The following CACNA1E variants were observed in gnomAD, a reference collection of about 807,000 sequenced individuals.
CACNA1E encodes voltage-dependent R-type calcium channel subunit alpha-1E.
CACNA1E carries 40 observed loss-of-function variants against 259.2 expected under a neutral mutation model. That is an observed-to-expected ratio of 0.15 (90% CI 0.12 to 0.20). CACNA1E has a LOEUF of 0.20. Among genes scored for constraint, CACNA1E ranks in the 10% least tolerant of loss-of-function variants. The pLI, the probability that CACNA1E is intolerant of heterozygous loss-of-function variation, is 1.00. For synonymous variants in CACNA1E, 1,104 were observed against 1,138.5 expected (o/e 0.97, Z 0.61); for missense variants, 1,874 against 3,040.1 (o/e 0.62, Z 9.02).
intron 3 of CACNA1E, among the ~76,000 whole-genome samples, chr1:181,543,762 G>T (rs1034496831): frequency 1.3e-5 from 2 of 152,138 alleles, no homozygotes; most frequent in South Asian, 2.1e-4. Flanking sequence ...AGCCATTAGG[G>T]AAATGCAAAT....
chr1:181,569,623 C>T (rs898761753), intron 3 of CACNA1E, among the ~76,000 whole-genome samples: 5 of 152,348 alleles, frequency 3.3e-5, no homozygotes, highest in African/African-American at 1.2e-4. Flanking sequence ...ATTACTTACA[C>T]ATGTGGCTAC....
At position 181,783,780 on chromosome 1, in the gene CACNA1E, C is replaced by T. The variant is rs1210905298; in HGVS notation, c.5466C>T (p.Ala1822=). 4 of 1,506,622 alleles carry T rather than the reference C, an allele frequency of 2.7e-6. No individual in the cohort carries two copies. Among genetic ancestry groups the T allele is most frequent in the Non-Finnish European group, 3.5e-6 (4 of 1,129,252 alleles). 93.3% of individuals were successfully genotyped at this position (1,506,622 alleles called of 1,614,324 possible). ...GGACAGCTCTGGACATTAAAATTGC[C>T]AAAGGTAAGCTTAGCTTAGGAAGGG... ...LIRTALDIKI[A]KGGADRQQLD... is the part of the protein sequence containing the mutation. Residue 1822 remains alanine (A), a synonymous_variant, in exon 40 of 48, where the codon GCC becomes GCT. Transcript: ENST00000367573.
At chr1:181,343,869 C>T (rs1400045901) in intron 1 of CACNA1E, among the ~76,000 whole-genome samples, 1 of 152,056 alleles carries the variant, frequency 6.6e-6, no homozygotes, top group African/African-American at 2.4e-5. Context: ...ATTGTGGCCC[C>T]AAGCCTGTGC....
Position 181,353,761 on chromosome 1 carries a change from G to A in CACNA1E, c.-15+35638G>A, listed in dbSNP as rs535850977. Among the ~76,000 whole-genome samples the A allele has an allele frequency of 2.0e-5, 3 of 152,306 alleles. 1 individual carries two copies. In the South Asian group the frequency reaches 6.2e-4, roughly 32 times the overall value. On this transcript the variant is annotated intron_variant, in intron 1 of 11. Coordinates refer to the CACNA1E transcript ENST00000524607. ...CCACCCACCTAGATTCAAGGGATGA[G>A]TGGGAACATAGATAGATTCTACCTC...
At chr1:181,415,451 A>G (rs1392433225) in intron 2 of CACNA1E, among the ~76,000 whole-genome samples, 1 of 152,104 alleles carries the variant, frequency 6.6e-6, no homozygotes, top group African/African-American at 2.4e-5. Flanking sequence ...GTCAGCCTTT[A>G]GGGGTGTGGC....
upstream of CACNA1E, among the ~76,000 whole-genome samples, chr1:181,482,655 C>T (rs1435119932): frequency 1.3e-5 from 2 of 152,392 alleles, no homozygotes. Context: ...GCCTCGCCTC[C>T]CCATTCTCCT....
At chr1:181,518,825 A>G (rs565380325) in intron 3 of CACNA1E, among the ~76,000 whole-genome samples, 1 of 152,236 alleles carries the variant, frequency 6.6e-6, no homozygotes, top group Admixed American at 6.5e-5. Flanking sequence ...TGCCACCCCC[A>G]CCCATTGACA....
At chr1:181,349,052 G>T (rs1473614733) in intron 1 of CACNA1E, among the ~76,000 whole-genome samples, 1 of 149,556 alleles carries the variant, frequency 6.7e-6, no homozygotes, top group Non-Finnish European at 1.5e-5. Flanking sequence ...CAGTCAGGGG[G>T]CTCCTCAGAC....
chr1:181,747,950 T>G (rs1375921564), intron 25 of CACNA1E, among the ~76,000 whole-genome samples: 1 of 152,212 alleles, frequency 6.6e-6, no homozygotes, highest in Non-Finnish European at 1.5e-5. Context: ...TCCAGGGCTT[T>G]GTTATTCAGT....
chr1:181,605,379 G>C (rs1353493519), intron 6 of CACNA1E, among the ~76,000 whole-genome samples: 1 of 152,176 alleles, frequency 6.6e-6, no homozygotes, highest in Non-Finnish European at 1.5e-5. Context: ...TTGTCTTCCA[G>C]GTGCTTTTGT....
chr1:181,791,414 A>C (rs1434456620), intron 44 of CACNA1E, among the ~76,000 whole-genome samples: 3 of 152,174 alleles, frequency 2.0e-5, no homozygotes, highest in Admixed American at 1.3e-4. Flanking sequence ...CGGAGCTTGC[A>C]ATGAGCCGAG....
intron 2 of CACNA1E, among the ~76,000 whole-genome samples, chr1:181,473,482 T>C (rs1006303700): frequency 3.3e-5 from 5 of 152,202 alleles, no homozygotes; most frequent in African/African-American, 9.7e-5. Context: ...ACAGCAGCAG[T>C]AGGAGGAGCA....
intron 7 of CACNA1E, among the ~76,000 whole-genome samples, chr1:181,694,580 C>A (rs1421674755): frequency 6.6e-6 from 1 of 152,156 alleles, no homozygotes; most frequent in Non-Finnish European, 1.5e-5. Flanking sequence ...GCCATTACAC[C>A]CTTCTGCCAT....
intron 7 of CACNA1E, among the ~76,000 whole-genome samples, chr1:181,655,740 G>T (rs1459757912): frequency 2.0e-5 from 3 of 152,146 alleles, no homozygotes; most frequent in Non-Finnish European, 4.4e-5. Context: ...GTATCAAGCA[G>T]TATCAAGATT....
At chr1:181,395,337 G>A (rs10797715) in intron 1 of CACNA1E, among the ~76,000 whole-genome samples, 65,468 of 151,928 alleles carry the variant, frequency 0.43, 14,332 homozygotes, top group Admixed American at 0.48. Context: ...GCAGGCTTGG[G>A]TGGGAAAAGT....
intron 6 of CACNA1E, among the ~76,000 whole-genome samples, chr1:181,635,484 C>T (rs963389522): frequency 6.6e-6 from 1 of 152,186 alleles, no homozygotes; most frequent in Non-Finnish European, 1.5e-5. Context: ...CTCTCTCTCT[C>T]TCTTTTTTTA....
intron 3 of CACNA1E, among the ~76,000 whole-genome samples, chr1:181,546,471 A>T (rs1199363940): frequency 1.3e-5 from 2 of 152,126 alleles, no homozygotes; most frequent in Non-Finnish European, 2.9e-5. Flanking sequence ...TGAGCTCTTC[A>T]TAAAAGTCCC....
chr1:181,397,754 C>T (rs1210655358), intron 1 of CACNA1E, among the ~76,000 whole-genome samples: 1 of 152,230 alleles, frequency 6.6e-6, no homozygotes, highest in Non-Finnish European at 1.5e-5. Flanking sequence ...GTCCTTCCCT[C>T]TCCCTGCTGA....
At chr1:181,580,391 G>A (rs1002789532) in intron 5 of CACNA1E, among the ~76,000 whole-genome samples, 2 of 152,174 alleles carry the variant, frequency 1.3e-5, no homozygotes, top group African/African-American at 4.8e-5. Context: ...CATTTTTCAG[G>A]AGACTGGGAA....
Sources: gnomAD v4.1 joint callset for allele counts (sites outside exome capture counted in the v4.1 genomes callset) on GRCh38, gnomAD v4.1.1 for gene constraint, MANE v1.5 for transcripts, NCBI Gene and HGNC (gene_info 2026-07-23, HGNC 2026-07-21) for gene names.